SCFD2: variants seen among roughly 807,000 people sequenced by gnomAD.
SCFD2 encodes sec1 family domain containing 2.
In SCFD2, 54 loss-of-function variants were observed where a neutral mutation model predicts 58.9. That is an observed-to-expected ratio of 0.92 (90% confidence interval 0.74 to 1.15). SCFD2 has a LOEUF of 1.15. Ranked by LOEUF, SCFD2 falls within the 50% of genes most tolerant of loss-of-function variation. The pLI is 0.00. For synonymous variants in SCFD2, 321 were observed against 335.9 expected, an observed-to-expected ratio of 0.96 and a Z score of 0.49; for missense variants, 805 against 836.6, an observed-to-expected ratio of 0.96 and a Z score of 0.47.
chr4:53,157,294 G>A (rs530364255), intron 4 of SCFD2, among the ~76,000 whole-genome samples: 26 of 152,224 alleles, frequency 1.7e-4, no homozygotes, highest in Non-Finnish European at 3.1e-4. Flanking sequence ...GTAGACCAGC[G>A]AATTTTAATG....
chr4:53,317,956 G>A (rs1732914744), intron 2 of SCFD2, among the ~76,000 whole-genome samples: 1 of 152,054 alleles, frequency 6.6e-6, no homozygotes, highest in African/African-American at 2.4e-5. Flanking sequence ...AAAATCAAAG[G>A]GCAGAATTTT....
chr4:53,332,020 A>T (rs1291133455), intron 2 of SCFD2, among the ~76,000 whole-genome samples: 5 of 152,244 alleles, frequency 3.3e-5, no homozygotes, highest in Non-Finnish European at 7.3e-5. Flanking sequence ...ATTCCTTGCC[A>T]CATACACTCT....
At chr4:52,920,929 A>G in intron 5 of SCFD2, 59 bp from the exon 6 acceptor site, 3 of 1,131,740 alleles carry the variant, frequency 2.7e-6, no homozygotes, top group Non-Finnish European at 3.8e-6. Flanking sequence ...TCATCATGAC[A>G]GCTTGAGCTC....
chr4:53,255,841 G>C (rs1215539372), intron 4 of SCFD2, among the ~76,000 whole-genome samples: 2 of 149,250 alleles, frequency 1.3e-5, no homozygotes, highest in Admixed American at 6.6e-5. Flanking sequence ...CGGGCGGGGG[G>C]CTGACCCCCC....
intron 5 of SCFD2, among the ~76,000 whole-genome samples, chr4:52,926,393 C>A (rs1161463761): frequency 6.6e-6 from 1 of 151,994 alleles, no homozygotes; most frequent in Non-Finnish European, 1.5e-5. Context: ...CACACACAGA[C>A]ACACACACGC....
At chr4:53,268,999 GA>G (rs1731078546) in intron 4 of SCFD2, among the ~76,000 whole-genome samples, 1 of 152,118 alleles carries the variant, frequency 6.6e-6, no homozygotes, top group Non-Finnish European at 1.5e-5. Flanking sequence ...GGGAAAACTG[GA>G]ATGAACCCTG....
intron 2 of SCFD2, among the ~76,000 whole-genome samples, chr4:53,333,248 C>T (rs1218801546): frequency 6.7e-6 from 1 of 148,188 alleles, no homozygotes; most frequent in Non-Finnish European, 1.5e-5. Context: ...GAAAAAACTA[C>T]TTTAAAGTTC....
chr4:52,968,444 G>T (rs901478158), intron 5 of SCFD2, among the ~76,000 whole-genome samples: 1 of 152,202 alleles, frequency 6.6e-6, no homozygotes, highest in Non-Finnish European at 1.5e-5. Flanking sequence ...GTTTATATCT[G>T]GTCTTCCAAT....
intron 5 of SCFD2, among the ~76,000 whole-genome samples, chr4:53,008,340 C>G (rs1237050929): frequency 1.3e-5 from 2 of 152,146 alleles, no homozygotes; most frequent in Non-Finnish European, 2.9e-5. Flanking sequence ...CCCCCCCTTC[C>G]CCTCTCCCTC....
At chr4:53,050,713 C>T (rs1026029444) in intron 5 of SCFD2, among the ~76,000 whole-genome samples, 1 of 152,204 alleles carries the variant, frequency 6.6e-6, no homozygotes, top group African/African-American at 2.4e-5. Context: ...GCTGAAAACC[C>T]TTTCATGGCT....
intron 4 of SCFD2, among the ~76,000 whole-genome samples, chr4:53,235,499 C>T (rs941466788): frequency 5.3e-5 from 8 of 152,220 alleles, no homozygotes; most frequent in African/African-American, 1.9e-4. Context: ...CCCAAGGTCT[C>T]TGCTCTCACT....
rs1197190809 is a variant in SCFD2 at position 53,345,423 on chromosome 4, C to T, written c.1007+7175G>A. Among the ~76,000 whole-genome samples the T allele has an allele frequency of 2.6e-5, 4 of 152,038 alleles. No individual in the cohort carries two copies. The East Asian group carries it at 5.8e-4, about 22-fold the overall frequency. ...TACCATCTCACACCAGTTAGAATGG[C>T]GATCATTAAAAAATCATCAAACAAT... On this transcript the variant is annotated intron_variant, in intron 2 of 8. Transcript: ENST00000401642.
In SCFD2 at chr4:53,109,675, C is replaced by T. The variant is rs544009101; in HGVS notation, c.1561+35658G>A. On this transcript the variant is annotated intron_variant, in intron 5 of 8. Transcript: ENST00000401642. Reference sequence around the variant, plus strand: ...TACAACTCACAACGAATGTGAAGGACGTCTTCAAGGAGAACTACAAACCAC... The same window carrying T: ...TACAACTCACAACGAATGTGAAGGATGTCTTCAAGGAGAACTACAAACCAC... Among the ~76,000 whole-genome samples, 68 of 152,146 alleles carry T rather than the reference C, an allele frequency of 4.5e-4. 1 individual carries two copies. The highest frequency in any genetic ancestry group is 4.2e-4 in the South Asian group (2 of 4,814).
At chr4:53,062,231 G>T (rs1464998195) in intron 5 of SCFD2, among the ~76,000 whole-genome samples, 2 of 151,682 alleles carry the variant, frequency 1.3e-5, no homozygotes, top group African/African-American at 4.8e-5. Flanking sequence ...AATTAGCCAG[G>T]CAAGGTGGTA....
chr4:53,177,359 G>A (rs1325856138), intron 4 of SCFD2, among the ~76,000 whole-genome samples: 4 of 152,214 alleles, frequency 2.6e-5, no homozygotes, highest in Admixed American at 1.3e-4. Flanking sequence ...CCTGGAGGAA[G>A]TAAAGACCAT....
At chr4:53,283,206 G>C (rs1293664607) in intron 3 of SCFD2, among the ~76,000 whole-genome samples, 6 of 152,120 alleles carry the variant, frequency 3.9e-5, no homozygotes, top group African/African-American at 1.4e-4. Context: ...AAACACAACA[G>C]ACCATTTTTT....
rs1423993421 is a variant in SCFD2 at position 53,007,385 on chromosome 4, A to AGAAGGAAGGAAGGAAGGAAG, written c.1562-86535_1562-86516dup. Among the ~76,000 whole-genome samples, 177 of 79,944 alleles carry AGAAGGAAGGAAGGAAGGAAG rather than the reference A, an allele frequency of 2.2e-3. 5 individuals are homozygous for AGAAGGAAGGAAGGAAGGAAG. Among genetic ancestry groups the AGAAGGAAGGAAGGAAGGAAG allele is most frequent in the Non-Finnish European group, 2.7e-3 (104 of 38,868 alleles). The allele number at this position is 79,944 out of a possible 152,430, so 52.4% of individuals were successfully genotyped here. On this transcript the variant is annotated intron_variant, in intron 5 of 8. Coordinates refer to ENST00000401642, the MANE Select transcript of SCFD2 (RefSeq NM_152540.4). ...AGAGAGAAAGAAGGAAAGGAAGGAA[A>AGAAGGAAGGAAGGAAGGAAG]GAAGGAAGGAAGGAAGGAAGGGAGG...
intron 5 of SCFD2, among the ~76,000 whole-genome samples, chr4:53,057,317 T>C (rs1237042661): frequency 6.6e-6 from 1 of 152,002 alleles, no homozygotes; most frequent in African/African-American, 2.4e-5. Context: ...TACCATGGAA[T>C]ACTATGCAGC....
chr4:53,047,165 C>T (rs967452982), intron 5 of SCFD2, among the ~76,000 whole-genome samples: 2 of 152,188 alleles, frequency 1.3e-5, no homozygotes, highest in Non-Finnish European at 2.9e-5. Flanking sequence ...TCCCAATTCT[C>T]ACTGAGCACA....
Sources: allele counts gnomAD v4.1 joint callset (sites outside exome capture counted in the v4.1 genomes callset), GRCh38; gene constraint gnomAD v4.1.1; transcripts MANE v1.5; gene names NCBI Gene and HGNC (gene_info 2026-07-23, HGNC 2026-07-21).